COL6A6: variants seen among roughly 807,000 people sequenced by gnomAD.
The protein encoded by COL6A6 is collagen type VI alpha 6 chain.
Under a neutral mutation model 208.6 loss-of-function variants are expected in COL6A6, and 183 were observed. The observed-to-expected ratio is 0.88, with a 90% CI of 0.78 to 0.99. The LOEUF is 0.99. COL6A6 is among the 50% of genes least tolerant of loss of function. The pLI is 0.00. For synonymous variants in COL6A6, 973 were observed against 1,011.8 expected, an observed-to-expected ratio of 0.96 and a Z score of 0.73; for missense variants, 2,816 against 2,815.2, an observed-to-expected ratio of 1.00 and a Z score of -0.01.
intron 1 of COL6A6, among the ~76,000 whole-genome samples, chr3:130,520,833 A>T (rs1360781567): frequency 1.3e-5 from 2 of 152,186 alleles, no homozygotes; most frequent in Admixed American, 1.3e-4. Context: ...TCTAAATCTT[A>T]TCTTTATGAG....
intron 1 of COL6A6, among the ~76,000 whole-genome samples, chr3:130,544,374 T>C (rs1208004830): frequency 6.6e-6 from 1 of 152,152 alleles, no homozygotes; most frequent in Non-Finnish European, 1.5e-5. Flanking sequence ...TCCTCTCTCT[T>C]TCTCTCTCTC....
Position 130,675,903 on chromosome 3 carries a change from T to TA in COL6A6, c.*509dup, listed in dbSNP as rs1349720032. 1 of 152,318 alleles carries TA rather than the reference T, an allele frequency of 6.6e-6. No individual in the cohort carries two copies. Among genetic ancestry groups the TA allele is most frequent in the Non-Finnish European group, 1.5e-5 (1 of 68,122 alleles). 9.4% of individuals were successfully genotyped at this position (152,318 alleles called of 1,614,324 possible). A position where few individuals can be genotyped will look rare whatever the true frequency, so the allele number is the denominator to read the frequency against. On this transcript the variant is annotated 3_prime_UTR_variant, in exon 37 of 37. Transcript: ENST00000358511. ...TTAAAACGTGACCTTCTATTCCACT[T>TA]AAACACACCACTGTGGGAGTTGTTT... is the stretch of plus-strand genomic sequence containing the variant.
intron 5 of COL6A6, among the ~76,000 whole-genome samples, 155 bp downstream of exon 5, chr3:130,567,417 A>G (rs2063054218): frequency 6.6e-6 from 1 of 152,238 alleles, no homozygotes; most frequent in African/African-American, 2.4e-5. Flanking sequence ...CTAAGAGCCC[A>G]TTATACTGTT....
intron 20 of COL6A6, among the ~76,000 whole-genome samples, chr3:130,600,767 G>T (rs2063989682): frequency 6.6e-6 from 1 of 152,142 alleles, no homozygotes; most frequent in African/African-American, 2.4e-5. Context: ...TGCATGTGGG[G>T]CATAAAACCT....
rs556095270 is a variant in COL6A6, at chr3:130,537,272, C to T, written c.-32+19875C>T. On this transcript the variant is annotated intron_variant, in intron 1 of 36. Transcript: ENST00000358511. ...TGTGACTTTCAGCAAGCTACTTAAC[C>T]CTCTAACTCAATCTCATCTGTAAAG... 2.6e-5 allele frequency among the ~76,000 whole-genome samples: 4 copies of T among 152,242 alleles called. No individual in the cohort carries two copies. In the South Asian group the frequency reaches 8.3e-4, roughly 32 times the overall value.
At chr3:130,636,643 T>G (rs2065116798) in intron 28 of COL6A6, among the ~76,000 whole-genome samples, 1 of 151,988 alleles carries the variant, frequency 6.6e-6, no homozygotes, top group Non-Finnish European at 1.5e-5. Flanking sequence ...CTATTTTTGT[T>G]TCTACAAACT....
intron 18 of COL6A6, among the ~76,000 whole-genome samples, chr3:130,597,771 T>C (rs2063892179): frequency 6.6e-6 from 1 of 152,130 alleles, no homozygotes; most frequent in Non-Finnish European, 1.5e-5. Flanking sequence ...AAATTCAAAA[T>C]TTCAGGATTT....
At chr3:130,535,618 C>T (rs1231356970) in intron 1 of COL6A6, among the ~76,000 whole-genome samples, 1 of 151,962 alleles carries the variant, frequency 6.6e-6, no homozygotes, top group African/African-American at 2.4e-5. Context: ...TGAGAGATTC[C>T]TATGCACCTA....
At chr3:130,597,828 G>T (rs1237065888) in intron 18 of COL6A6, among the ~76,000 whole-genome samples, 1 of 152,124 alleles carries the variant, frequency 6.6e-6, no homozygotes, top group Non-Finnish European at 1.5e-5. Flanking sequence ...GTAGCATATG[G>T]GAGTGCCCAG....
chr3:130,528,792 A>G (rs917191761), intron 1 of COL6A6, among the ~76,000 whole-genome samples: 5 of 152,206 alleles, frequency 3.3e-5, no homozygotes, highest in Admixed American at 6.5e-5. Context: ...TGATAGACTT[A>G]AAAAGCTCCC....
intron 29 of COL6A6, among the ~76,000 whole-genome samples, chr3:130,642,464 A>C (rs150361130): frequency 1.3e-5 from 2 of 152,054 alleles, no homozygotes; most frequent in Non-Finnish European, 2.9e-5. Context: ...AAAGAGGGCA[A>C]CTGCACATGT....
chr3:130,579,826 G>A (rs1560020481), intron 8 of COL6A6, among the ~76,000 whole-genome samples: 1 of 152,156 alleles, frequency 6.6e-6, no homozygotes, highest in African/African-American at 2.4e-5. Flanking sequence ...TTAGGCTGTT[G>A]CATGAGAGCC....
Position 130,661,691 on chromosome 3 carries a change from C to G in COL6A6, c.5885C>G (p.Ser1962Cys), listed in dbSNP as rs754979279. ...CAAGCCAGACCACCCCCTGTGCAGT[C>G]TTACATGGATGCTGCTTTCCTTCTG... Reference protein sequence around the residue: ...CDQARPPPVQSYMDAAFLLDA... With the variant: ...CDQARPPPVQCYMDAAFLLDA... The change falls in exon 35 of 37, where the codon TCT (serine) becomes TGT (cysteine). Residue 1962 changes from serine (S) to cysteine (C), a missense_variant. Physicochemically the swap from Ser to Cys is moderately radical, Grantham distance 112 (BLOSUM62 -1). Coordinates refer to ENST00000358511, the MANE Select transcript of COL6A6 (RefSeq NM_001102608.3). The G allele has an allele frequency of 6.2e-7, 1 of 1,613,968 alleles. No homozygotes were observed. The highest frequency in any genetic ancestry group is 1.1e-5 in the South Asian group (1 of 91,078).
At chr3:130,653,015 A>G (rs982238346) in intron 33 of COL6A6, among the ~76,000 whole-genome samples, 1 of 152,240 alleles carries the variant, frequency 6.6e-6, no homozygotes. Context: ...GAAGTTTTTC[A>G]TGATAGTATG....
intron 36 of COL6A6, among the ~76,000 whole-genome samples, chr3:130,668,243 G>A (rs2066125183): frequency 1.3e-5 from 2 of 151,990 alleles, no homozygotes; most frequent in African/African-American, 4.8e-5. Flanking sequence ...TTGGGAGGCC[G>A]AGGCAGGTGG....
chr3:130,612,559 T>C (rs923448341), intron 23 of COL6A6, among the ~76,000 whole-genome samples: 3 of 152,218 alleles, frequency 2.0e-5, no homozygotes, highest in Non-Finnish European at 4.4e-5. Flanking sequence ...CGTTTAACAC[T>C]ACAAAAAATA....
rs140810630 is a variant in COL6A6, at chr3:130,521,175, A to C, written c.-32+3778A>C. Among the ~76,000 whole-genome samples, 540 of 152,340 alleles carry C rather than the reference A, an allele frequency of 3.5e-3. 6 individuals are homozygous for C. The highest frequency in any genetic ancestry group is 0.024 in the Middle Eastern group (7 of 294). ...ACTGTATCCTACACTTTAGAGGGGAAAGATTTTGCCAGAGTTAGTTGGCAA... is the reference window on the plus strand; with the variant it reads ...ACTGTATCCTACACTTTAGAGGGGACAGATTTTGCCAGAGTTAGTTGGCAA... On this transcript the variant is annotated intron_variant, in intron 1 of 36. Transcript: ENST00000358511.
At chr3:130,606,628 G>A (rs1270747107) in intron 20 of COL6A6, among the ~76,000 whole-genome samples, 1 of 152,194 alleles carries the variant, frequency 6.6e-6, no homozygotes, top group Non-Finnish European at 1.5e-5. Flanking sequence ...AACAGCTCTA[G>A]TAAAAGTTTA....
At chr3:130,629,078 T>C (rs2064980955) in intron 26 of COL6A6, among the ~76,000 whole-genome samples, 1 of 49,350 alleles carries the variant, frequency 2.0e-5, no homozygotes, top group South Asian at 8.0e-4. Context: ...AGAAGAAGGC[T>C]TCAGACGATC....
Sources: allele counts gnomAD v4.1 joint callset (sites outside exome capture counted in the v4.1 genomes callset), GRCh38; gene constraint gnomAD v4.1.1; transcripts MANE v1.5; gene names NCBI Gene and HGNC (gene_info 2026-07-23, HGNC 2026-07-21).